EREG: variants seen among roughly 807,000 people sequenced by gnomAD.
The protein encoded by EREG is epiregulin.
In EREG, 23 loss-of-function variants were observed where a neutral mutation model predicts 22.4. The ratio of observed to expected loss-of-function variants is 1.03; its 90% confidence interval spans 0.74 to 1.46. The LOEUF (loss-of-function observed/expected upper bound fraction) is 1.46. EREG is among the 40% of genes most tolerant of loss of function. The pLI, the probability that EREG is intolerant of heterozygous loss-of-function variation, is 0.00. For synonymous variants in EREG, 100 were observed against 75.4 expected (o/e 1.33, Z -1.69); for missense variants, 226 against 205.9 (o/e 1.10, Z -0.60).
intron 1 of EREG, 90 bp from the exon 2 acceptor site, chr4:74,379,358 A>G (rs1752435350): frequency 1.3e-6 from 1 of 761,762 alleles, no homozygotes; most frequent in Admixed American, 2.1e-5. Flanking sequence ...AAACAAAACA[A>G]CTCTATAAGT....
chr4:74,385,901 C>T lies in EREG; in HGVS notation c.*1093C>T, dbSNP rs1211084775. 5 of 396,406 alleles carry T rather than the reference C, an allele frequency of 1.3e-5. No individual in the cohort carries two copies. The highest frequency in any genetic ancestry group is 6.2e-5 in the African/African-American group (3 of 48,508). The allele number at this position is 396,406 out of a possible 1,614,324, so 24.6% of individuals were successfully genotyped here. ...TTATGTATTTAAAGTTGTATCTTGA[C>T]ACAGGAAATGGGAAAAAACTTAAAA... On this transcript the variant is annotated 3_prime_UTR_variant, in exon 5 of 5. Coordinates refer to ENST00000244869, the MANE Select transcript of EREG (RefSeq NM_001432.3).
intron 1 of EREG, among the ~76,000 whole-genome samples, chr4:74,377,849 A>G (rs913500063): frequency 1.3e-5 from 2 of 152,100 alleles, no homozygotes; most frequent in Admixed American, 1.3e-4. Context: ...AACTACCCGC[A>G]TTGATTCAAT....
intron 4 of EREG, among the ~76,000 whole-genome samples, chr4:74,384,459 G>T (rs79365615): frequency 5.9e-4 from 89 of 152,024 alleles, no homozygotes; most frequent in Non-Finnish European, 1.1e-3. Flanking sequence ...CACGCCTCTT[G>T]GAATTTCACA....
intron 1 of EREG, among the ~76,000 whole-genome samples, chr4:74,370,729 T>C (rs1752275941): frequency 6.6e-6 from 1 of 152,174 alleles, no homozygotes; most frequent in South Asian, 2.1e-4. Context: ...GTGATATGAC[T>C]GCCAGTGGCA....
intron 3 of EREG, 49 bp downstream of exon 3, chr4:74,381,186 A>C: frequency 6.4e-7 from 1 of 1,560,114 alleles, no homozygotes; most frequent in South Asian, 1.2e-5. Flanking sequence ...TTTGTTTTAT[A>C]GATTTAGGGG....
chr4:74,367,606 A>G (rs1376607188), intron 1 of EREG, among the ~76,000 whole-genome samples: 1 of 152,236 alleles, frequency 6.6e-6, no homozygotes, highest in Non-Finnish European at 1.5e-5. Flanking sequence ...ATGAGAGAGA[A>G]TTAAGCAGAA....
intron 1 of EREG, among the ~76,000 whole-genome samples, chr4:74,371,185 A>G (rs1752283938): frequency 6.6e-6 from 1 of 152,180 alleles, no homozygotes; most frequent in Non-Finnish European, 1.5e-5. Context: ...AGAACCAATA[A>G]CATAAAATAT....
intron 1 of EREG, among the ~76,000 whole-genome samples, chr4:74,368,407 T>C (rs1752226768): frequency 6.6e-6 from 1 of 152,234 alleles, no homozygotes; most frequent in Non-Finnish European, 1.5e-5. Flanking sequence ...TTACATTAAG[T>C]AAAGCAATAA....
chr4:74,379,724 A>G (rs1752442972), intron 2 of EREG, among the ~76,000 whole-genome samples, 190 bp downstream of exon 2: 2 of 152,186 alleles, frequency 1.3e-5, no homozygotes, highest in Admixed American at 1.3e-4. Flanking sequence ...TAGGAGAGGG[A>G]CCGGATAAAT....
At chr4:74,374,532 C>T (rs1752345901) in intron 1 of EREG, among the ~76,000 whole-genome samples, 1 of 151,852 alleles carries the variant, frequency 6.6e-6, no homozygotes, top group African/African-American at 2.4e-5. Flanking sequence ...GTAAGAGCCT[C>T]GAAAAACAAA....
chr4:74,382,797 A>T lies in EREG; in HGVS notation c.428+3A>T. 1 of 1,610,034 alleles carries T rather than the reference A, an allele frequency of 6.2e-7. No homozygotes were observed. The highest frequency in any genetic ancestry group is 8.5e-7 in the Non-Finnish European group (1 of 1,177,838). On this transcript the variant is annotated splice_donor_region_variant and intron_variant, in intron 4 of 4. Coordinates refer to ENST00000244869, the MANE Select transcript of EREG (RefSeq NM_001432.3). Reference sequence around the variant, plus strand: ...TCCACATATTATTTCTGCAGATGGTAAGTCAGTGTGGTTTTATACTCTGCT... The same window carrying T: ...TCCACATATTATTTCTGCAGATGGTTAGTCAGTGTGGTTTTATACTCTGCT...
At position 74,374,712 on chromosome 4, in the gene EREG, C is replaced by T. The variant is rs111513149; in HGVS notation, c.68-4736C>T. ...CTATGATGGCACTCAACCTCTCCCA[C>T]GCGCGGTCCCCAATATTGTGTAAGG... is the stretch of plus-strand genomic sequence containing the variant. On this transcript the variant is annotated intron_variant, in intron 1 of 4. Transcript: ENST00000244869. 3.9e-5 allele frequency among the ~76,000 whole-genome samples: 6 copies of T among 152,206 alleles called. 1 individual carries two copies. The highest frequency in any genetic ancestry group is 7.2e-5 in the African/African-American group (3 of 41,530).
At chr4:74,380,907 C>A in intron 2 of EREG, 107 bp from the exon 3 acceptor site, 2 of 1,192,654 alleles carry the variant, frequency 1.7e-6, no homozygotes, top group Non-Finnish European at 1.2e-6. Flanking sequence ...GACAGATTGG[C>A]ATCTGACTTG....
chr4:74,367,076 G>A (rs551975389), intron 1 of EREG, among the ~76,000 whole-genome samples: 23 of 152,016 alleles, frequency 1.5e-4, no homozygotes, highest in African/African-American at 5.3e-4. Flanking sequence ...CCTTCCCCCA[G>A]CAAAAAAGAG....
In EREG at chr4:74,386,389, T is replaced by C. The variant is rs1275705450; in HGVS notation, c.*1581T>C. 2.0e-5 allele frequency: 3 copies of C among 152,290 alleles called. No individual in the cohort carries two copies. The highest frequency in any genetic ancestry group is 7.2e-5 in the African/African-American group (3 of 41,444). The allele number at this position is 152,290 out of a possible 1,614,324, so 9.4% of individuals were successfully genotyped here. A position where few individuals can be genotyped will look rare whatever the true frequency, so the allele number is the denominator to read the frequency against. ...ATACCCTGGTGCAATCACACGACTG[T>C]CATCTAAAGTCCTGGCCCTGGCCCT... On this transcript the variant is annotated 3_prime_UTR_variant, in exon 5 of 5. Transcript: ENST00000244869.
At chr4:74,367,200 C>T (rs1464893575) in intron 1 of EREG, among the ~76,000 whole-genome samples, 1 of 152,150 alleles carries the variant, frequency 6.6e-6, no homozygotes, top group East Asian at 1.9e-4. Context: ...AATTGCTATG[C>T]ACAATCATTT....
At position 74,382,712 on chromosome 4, in the gene EREG, A is replaced by C; in HGVS notation, c.346A>C (p.Lys116Gln). Residue 116 changes from lysine (K) to glutamine (Q), a missense_variant, in exon 4 of 5, where the codon AAA becomes CAA. Transcript: ENST00000244869. ...TTTAACCGTCCACCAACCTTTAAGC[A>C]AAGAATATGTGGCTTTGACCGTGAT... ...FFLTVHQPLS[K>Q]EYVALTVILI... The C allele has an allele frequency of 6.2e-7, 1 of 1,613,722 alleles. No homozygotes were observed. The highest frequency in any genetic ancestry group is 1.3e-5 in the African/African-American group (1 of 75,050).
chr4:74,372,974 ATTT>A (rs35483998), intron 1 of EREG, among the ~76,000 whole-genome samples: 49 of 63,146 alleles, frequency 7.8e-4, no homozygotes, highest in African/African-American at 2.4e-3. Context: ...CATCTGGCTA[ATTT>A]TTTTTTTTTT....
chr4:74,376,141 C>A (rs772870613), intron 1 of EREG, among the ~76,000 whole-genome samples: 23 of 152,182 alleles, frequency 1.5e-4, no homozygotes, highest in Middle Eastern at 3.4e-3. Flanking sequence ...TACTAAAAAC[C>A]TTTAAAAAAG....
Sources: gnomAD v4.1 joint callset for allele counts (sites outside exome capture counted in the v4.1 genomes callset) on GRCh38, gnomAD v4.1.1 for gene constraint, MANE v1.5 for transcripts, NCBI Gene and HGNC (gene_info 2026-07-23, HGNC 2026-07-21) for gene names.